Variants in CHRM3 observed in about 807,000 individuals in gnomAD.
CHRM3 encodes muscarinic acetylcholine receptor M3.
Under a neutral mutation model 41.8 loss-of-function variants are expected in CHRM3, and 11 were observed. The ratio of observed to expected loss-of-function variants is 0.26; its 90% CI spans 0.17 to 0.44. CHRM3 has a LOEUF of 0.44. CHRM3 is among the 20% of genes least tolerant of loss of function. The pLI, the probability that CHRM3 is intolerant of heterozygous loss-of-function variation, is 1.00. For synonymous variants in CHRM3, 297 were observed against 301.4 expected, an observed-to-expected ratio of 0.99 and a Z score of 0.15; for missense variants, 571 against 745.4, an observed-to-expected ratio of 0.77 and a Z score of 2.72.
At chr1:239,835,966 G>A (rs900378424) in intron 6 of CHRM3, among the ~76,000 whole-genome samples, 1 of 152,208 alleles carries the variant, frequency 6.6e-6, no homozygotes, top group East Asian at 1.9e-4. Flanking sequence ...TGTCCTTGCC[G>A]CTTCTTTTGA....
chr1:239,637,901 A>C (rs1670661045), intron 4 of CHRM3, among the ~76,000 whole-genome samples: 1 of 121,980 alleles, frequency 8.2e-6, no homozygotes, highest in Admixed American at 8.2e-5. Flanking sequence ...CTCCTATGCT[A>C]TCCCTCCCCC....
intron 5 of CHRM3, among the ~76,000 whole-genome samples, chr1:239,692,305 A>G (rs1163643334): frequency 6.6e-6 from 1 of 152,194 alleles, no homozygotes; most frequent in African/African-American, 2.4e-5. Flanking sequence ...CTAAGGTCCA[A>G]GAATCAACAC....
intron 2 of CHRM3, among the ~76,000 whole-genome samples, chr1:239,504,975 G>C (rs1306112444): frequency 6.6e-6 from 1 of 152,076 alleles, no homozygotes; most frequent in East Asian, 1.9e-4. Context: ...TACTGTTTGG[G>C]TGATGGGTAC....
chr1:239,908,206 G>A lies in CHRM3; in HGVS notation c.755G>A (p.Trp252Ter). The A allele has an allele frequency of 6.2e-7, 1 of 1,614,118 alleles. No homozygotes were observed. Among genetic ancestry groups the A allele is most frequent in the Non-Finnish European group, 8.5e-7 (1 of 1,180,014 alleles). ...MPVTIMTILY[W>*]RIYKETEKRT... is the part of the protein sequence containing the mutation. The stretch of plus-strand genomic sequence containing the variant: ...GTCACCATTATGACTATTTTATACT[G>A]GAGGATCTATAAGGAAACTGAAAAG... Residue 252 changes from tryptophan to a stop codon, truncating the protein, a stop_gained, in exon 7 of 7, where the codon TGG becomes TAG. Coordinates refer to ENST00000676153, the MANE Select transcript of CHRM3 (RefSeq NM_001375978.1). LOFTEE classifies it high-confidence loss of function. This position sits in a 1 kb window ranked among gnomAD's most constrained non-coding sequence, Gnocchi z 7.2.
intron 5 of CHRM3, among the ~76,000 whole-genome samples, chr1:239,735,917 C>A (rs1206630758): frequency 6.6e-6 from 1 of 152,048 alleles, no homozygotes; most frequent in African/African-American, 2.4e-5. Flanking sequence ...TCTGGCCACT[C>A]CCTTCATCAA....
intron 2 of CHRM3, among the ~76,000 whole-genome samples, chr1:239,535,901 C>T (rs1346604236): frequency 6.6e-6 from 1 of 152,050 alleles, no homozygotes; most frequent in African/African-American, 2.4e-5. Context: ...TGATTCTGAA[C>T]CATACCTTGA....
intron 3 of CHRM3, among the ~76,000 whole-genome samples, chr1:239,572,047 C>G (rs1386494886): frequency 6.6e-6 from 1 of 152,196 alleles, no homozygotes; most frequent in Non-Finnish European, 1.5e-5. Flanking sequence ...ATAAGCTTTA[C>G]AAGCATCCTA....
At chr1:239,568,856 G>A (rs903837370) in intron 3 of CHRM3, among the ~76,000 whole-genome samples, 1 of 152,088 alleles carries the variant, frequency 6.6e-6, no homozygotes, top group Non-Finnish European at 1.5e-5. Context: ...AGAGAACTCT[G>A]GGCTGTGACC....
chr1:239,868,442 C>G (rs972609237), intron 6 of CHRM3, among the ~76,000 whole-genome samples: 1 of 152,128 alleles, frequency 6.6e-6, no homozygotes, highest in African/African-American at 2.4e-5. Context: ...TTTCCCTTCT[C>G]TCAGTCTCTA....
chr1:239,447,883 C>G (rs910668394), intron 1 of CHRM3, among the ~76,000 whole-genome samples: 2 of 152,194 alleles, frequency 1.3e-5, no homozygotes, highest in African/African-American at 4.8e-5. Context: ...ATCCACATCC[C>G]TTTTAATATC....
chr1:239,690,748 A>G (rs1322326570), intron 5 of CHRM3, among the ~76,000 whole-genome samples: 1 of 152,058 alleles, frequency 6.6e-6, no homozygotes, highest in Non-Finnish European at 1.5e-5. Flanking sequence ...AAAGAGCTGC[A>G]TATGGTTGTT....
Position 239,909,125 on chromosome 1 carries a change from G to T in CHRM3, c.1674G>T (p.Leu558=). The T allele has an allele frequency of 6.2e-7, 1 of 1,614,104 alleles. No homozygotes were observed. Among genetic ancestry groups the T allele is most frequent in the Non-Finnish European group, 8.5e-7 (1 of 1,180,032 alleles). Residue 558 remains leucine, a synonymous_variant, in exon 7 of 7, where the codon CTG becomes CTT. Transcript: ENST00000676153. ...NKTFRTTFKM[L]LLCQCDKKKR... ...CATTCAGAACCACTTTCAAGATGCT[G>T]CTGCTGTGCCAGTGTGACAAAAAAA...
chr1:239,790,364 A>G (rs1439319456), intron 5 of CHRM3, among the ~76,000 whole-genome samples: 1 of 152,224 alleles, frequency 6.6e-6, no homozygotes, highest in Non-Finnish European at 1.5e-5. Context: ...CGTCAAGAGT[A>G]GGACCAGGTG....
intron 4 of CHRM3, among the ~76,000 whole-genome samples, chr1:239,660,678 T>C (rs1673114367): frequency 6.6e-6 from 1 of 151,806 alleles, no homozygotes; most frequent in Non-Finnish European, 1.5e-5. Flanking sequence ...AGGCCAGGAG[T>C]TGGAGACCAG....
chr1:239,695,035 G>C (rs998814332), intron 5 of CHRM3, among the ~76,000 whole-genome samples: 1 of 152,000 alleles, frequency 6.6e-6, no homozygotes, highest in Non-Finnish European at 1.5e-5. Flanking sequence ...TTTTTGAGAC[G>C]GAGTCTCGCT....
intron 1 of CHRM3, among the ~76,000 whole-genome samples, chr1:239,424,031 G>T (rs1662164082): frequency 6.7e-6 from 1 of 148,512 alleles, no homozygotes; most frequent in Non-Finnish European, 1.5e-5. Flanking sequence ...CTCCAGCCTG[G>T]GCAACAGAGC....
At chr1:239,767,174 C>T (rs900856268) in intron 5 of CHRM3, among the ~76,000 whole-genome samples, 7 of 152,044 alleles carry the variant, frequency 4.6e-5, no homozygotes, top group African/African-American at 1.7e-4. Flanking sequence ...TCACATGGAA[C>T]ATGAAAACCA....
At chr1:239,850,318 T>C (rs1282741108) in intron 6 of CHRM3, among the ~76,000 whole-genome samples, 1 of 152,174 alleles carries the variant, frequency 6.6e-6, no homozygotes, top group Non-Finnish European at 1.5e-5. Context: ...CTCATTGTTT[T>C]CACACTGAGT....
chr1:239,759,169 G>GTTTTTTTTT (rs568446013), intron 5 of CHRM3, among the ~76,000 whole-genome samples: 3 of 102,078 alleles, frequency 2.9e-5, no homozygotes, highest in African/African-American at 4.0e-5. Context: ...TTTTTTTTTT[G>GTTTTTTTTT]TTTTTTTTTT....
Sources: gnomAD v4.1 joint callset for allele counts (sites outside exome capture counted in the v4.1 genomes callset) on GRCh38, gnomAD v4.1.1 for gene constraint, Gnocchi (gnomAD v3.1) non-coding constraint, MANE v1.5 for transcripts, NCBI Gene and HGNC (gene_info 2026-07-23, HGNC 2026-07-21) for gene names.